Variants in CRABP2 observed in about 807,000 individuals in gnomAD.
CRABP2 encodes the protein cellular retinoic acid-binding protein 2.
In CRABP2, 20 loss-of-function variants were observed where a neutral mutation model predicts 17.9. The observed-to-expected ratio is 1.12, with a 90% CI of 0.79 to 1.63. The LOEUF (loss-of-function observed/expected upper bound fraction) is 1.63, where lower values mean the gene tolerates loss of function less well. Among genes scored for constraint, CRABP2 ranks in the 40% most tolerant of loss-of-function variants. The probability of loss-of-function intolerance (pLI) is 0.00; values close to 1 mark genes in which losing one functional copy is unlikely to be tolerated. For synonymous variants in CRABP2, 76 were observed against 66.4 expected (o/e 1.14, Z -0.70); for missense variants, 151 against 168.6 (o/e 0.90, Z 0.58).
chr1:156,701,253 G>T (rs1464959801), intron 1 of CRABP2, among the ~76,000 whole-genome samples: 1 of 152,058 alleles, frequency 6.6e-6, no homozygotes, highest in Non-Finnish European at 1.5e-5. Context: ...AGATGAGGGG[G>T]TTTAGGGAGG....
At chr1:156,702,490 C>T (rs916467863) in intron 1 of CRABP2, among the ~76,000 whole-genome samples, 1 of 147,724 alleles carries the variant, frequency 6.8e-6, no homozygotes, top group Non-Finnish European at 1.5e-5. Context: ...CAAACAAAAA[C>T]GACCTGGCGC....
chr1:156,700,476 G>A, intron 3 of CRABP2, 66 bp downstream of exon 3: 7 of 1,291,896 alleles, frequency 5.4e-6, no homozygotes, highest in Non-Finnish European at 7.9e-6. Flanking sequence ...TGCACCCTGG[G>A]GTCTCCCAGA....
intron 1 of CRABP2, 115 bp from the exon 2 acceptor site, chr1:156,701,167 T>TG (rs1355956942): frequency 2.5e-6 from 3 of 1,193,274 alleles, no homozygotes; most frequent in South Asian, 3.0e-5. Context: ...GTGGGTGTGT[T>TG]GGGGGGTGCA....
chr1:156,704,360 C>T (rs892546792), intron 1 of CRABP2, among the ~76,000 whole-genome samples: 1 of 152,134 alleles, frequency 6.6e-6, no homozygotes, highest in Non-Finnish European at 1.5e-5. Flanking sequence ...CCCTCTCGCC[C>T]AACCCAGCCG....
In CRABP2 at chr1:156,705,503, T is replaced by C; in HGVS notation, c.-57A>G. On this transcript the variant is annotated 5_prime_UTR_variant, in exon 1 of 4. Transcript: ENST00000368222. This position sits in a 1 kb window ranked among gnomAD's most constrained non-coding sequence, Gnocchi z 5.2. ...TCCTAGGCTGGAGCACTGGACACTG[T>C]CTTTTAGTCAAAAGAGACGTCGCCG... 1.3e-6 allele frequency: 2 copies of C among 1,586,022 alleles called. No homozygotes were observed. Among genetic ancestry groups the C allele is most frequent in the Non-Finnish European group, 1.7e-6 (2 of 1,156,324 alleles).
intron 1 of CRABP2, among the ~76,000 whole-genome samples, chr1:156,704,472 G>C (rs1465156446): frequency 6.6e-6 from 1 of 152,170 alleles, no homozygotes; most frequent in Admixed American, 6.5e-5. Context: ...CTCCCCCAGA[G>C]TCCTCTCCCA....
Position 156,703,744 on chromosome 1 carries a change from C to T in CRABP2, c.70+1633G>A, listed in dbSNP as rs372565294. On this transcript the variant is annotated intron_variant, in intron 1 of 3. Transcript: ENST00000368222. ...TGTGTCTAGGAAGAAATGACAGGTC[C>T]CCAAGTCTTATTGAGATGGACCCTT... Among the ~76,000 whole-genome samples the T allele has an allele frequency of 5.7e-4, 87 of 152,306 alleles. 2 individuals carry two copies. The South Asian group carries it at 0.018, about 32-fold the overall frequency.
At chr1:156,703,198 C>T (rs1480293711) in intron 1 of CRABP2, among the ~76,000 whole-genome samples, 5 of 152,144 alleles carry the variant, frequency 3.3e-5, no homozygotes, top group Admixed American at 1.3e-4. Context: ...CTGCCCTCCC[C>T]GCTCTGTGTG....
chr1:156,702,858 C>T (rs951933806), intron 1 of CRABP2, among the ~76,000 whole-genome samples: 1 of 150,214 alleles, frequency 6.7e-6, no homozygotes, highest in African/African-American at 2.4e-5. Context: ...CTTAAGTTTT[C>T]AGGAAACAAT....
Position 156,700,595 on chromosome 1 carries a change from C to G in CRABP2, c.313G>C (p.Gly105Arg). ...TCTCTGGTCCACGAGGTCTTGGGGC[C>G]CTCTCCCTTCAGGAGCTTCTGCTCA... is the stretch of plus-strand genomic sequence containing the variant. ...VCEQKLLKGE[G>R]PKTSWTRELT... Residue 105 changes from glycine (G) to arginine (R), a missense_variant, in exon 3 of 4, where the codon GGC becomes CGC. Transcript: ENST00000368222. The G allele has an allele frequency of 6.2e-7, 1 of 1,613,798 alleles. No individual in the cohort carries two copies. The highest frequency in any genetic ancestry group is 8.5e-7 in the Non-Finnish European group (1 of 1,179,986).
intron 2 of CRABP2, 89 bp from the exon 3 acceptor site, chr1:156,700,747 C>G (rs535455417): frequency 1.3e-6 from 2 of 1,508,274 alleles, no homozygotes; most frequent in East Asian, 2.3e-5. Context: ...TTCTAGCCCC[C>G]ACCACCACCT....
upstream of CRABP2, chr1:156,705,675 C>A (rs1571483291): frequency 8.2e-6 from 4 of 486,892 alleles, no homozygotes; most frequent in African/African-American, 1.9e-5. The surrounding 1 kb of genome is among the most constrained non-coding windows in gnomAD (Gnocchi z 5.2). Context: ...TCCGCCCCCC[C>A]CCACCTGGGG....
chr1:156,704,228 A>G (rs1648127769), intron 1 of CRABP2, among the ~76,000 whole-genome samples: 1 of 152,206 alleles, frequency 6.6e-6, no homozygotes, highest in Non-Finnish European at 1.5e-5. Context: ...TTGTGGTTAG[A>G]TCGCAGGAAG....
rs1648004770 is a variant in CRABP2 at position 156,700,654 on chromosome 1, A to C, written c.254T>G (p.Leu85Arg). Residue 85 changes from leucine (L) to arginine (R), a missense_variant, in exon 3 of 4, where the codon CTG (leucine) becomes CGG (arginine). Transcript: ENST00000368222. Reference sequence around the variant, plus strand: ...TTTATTCTCACTCTCCCATTTCACCAGGCTCTGCAAGAGACAGGTGGCCAA... The same window carrying C: ...TTTATTCTCACTCTCCCATTTCACCCGGCTCTGCAAGAGACAGGTGGCCAA... ...QTVDGRPCKS[L>R]VKWESENKMV... The C allele has an allele frequency of 6.2e-7, 1 of 1,613,502 alleles. No homozygotes were observed. The highest frequency in any genetic ancestry group is 8.5e-7 in the Non-Finnish European group (1 of 1,179,442).
intron 1 of CRABP2, among the ~76,000 whole-genome samples, chr1:156,702,094 T>C (rs1021969451): frequency 6.6e-6 from 1 of 151,384 alleles, no homozygotes; most frequent in East Asian, 1.9e-4. Context: ...GAGGTTGTAA[T>C]GAACCGAGAT....
chr1:156,699,916 G>A lies in CRABP2; in HGVS notation c.*110C>T. The A allele has an allele frequency of 1.7e-6, 2 of 1,176,656 alleles. No homozygotes were observed. The highest frequency in any genetic ancestry group is 1.2e-6 in the Non-Finnish European group (1 of 814,384). The allele number at this position is 1,176,656 out of a possible 1,614,324, so 72.9% of individuals were successfully genotyped here. A position where few individuals can be genotyped will look rare whatever the true frequency, so the allele number is the denominator to read the frequency against. ...CCCAGTGACCCCCAGAAGTGACTGG[G>A]GTAAGGGGAGCGCTATCCTAGAAGG... On this transcript the variant is annotated 3_prime_UTR_variant, in exon 4 of 4. Coordinates refer to ENST00000368222, the MANE Select transcript of CRABP2 (RefSeq NM_001878.4).
In CRABP2 at chr1:156,705,300, G is replaced by A. The variant is rs1648161281; in HGVS notation, c.70+77C>T. The A allele has an allele frequency of 2.0e-6, 3 of 1,487,720 alleles. No individual in the cohort carries two copies. The highest frequency in any genetic ancestry group is 2.8e-5 in the African/African-American group (2 of 72,282). The allele number at this position is 1,487,720 out of a possible 1,614,324, so 92.2% of individuals were successfully genotyped here. On this transcript the variant is annotated intron_variant, in intron 1 of 3. Coordinates refer to ENST00000368222, the MANE Select transcript of CRABP2 (RefSeq NM_001878.4). This position sits in a 1 kb window ranked among gnomAD's most constrained non-coding sequence, Gnocchi z 5.2. ...TGTCTCACGCCCTGATTGTGGTCCC[G>A]CTGTCTTTCTCATCCCCAACTTCGA...
At position 156,699,874 on chromosome 1, in the gene CRABP2, G is replaced by A; in HGVS notation, c.*152C>T. ...GGAGAGAAGAGGTCAAAGAAAGCAA[G>A]ACCCTGCAAGAGGCATCCCAGTGAC... On this transcript the variant is annotated 3_prime_UTR_variant, in exon 4 of 4. Transcript: ENST00000368222. 1.4e-6 allele frequency: 1 copy of A among 710,804 alleles called. No homozygotes were observed. The highest frequency in any genetic ancestry group is 1.8e-5 in the African/African-American group (1 of 56,296). The allele number at this position is 710,804 out of a possible 1,614,324, so 44.0% of individuals were successfully genotyped here.
chr1:156,705,212 C>G lies in CRABP2; in HGVS notation c.70+165G>C, dbSNP rs561114021. ...CCCGCAGGAGAAAGCGGGATTTAGG[C>G]GTCGTGCCCAGAGCCCCGGGACCCG... On this transcript the variant is annotated intron_variant, in intron 1 of 3. Transcript: ENST00000368222. The surrounding 1 kb of genome is among the most constrained non-coding windows in gnomAD (Gnocchi z 5.2). Among the ~76,000 whole-genome samples the G allele has an allele frequency of 6.6e-6, 1 of 152,350 alleles. No homozygotes were observed. The highest frequency in any genetic ancestry group is 1.5e-5 in the Non-Finnish European group (1 of 68,030).
Sources: allele counts gnomAD v4.1 joint callset (sites outside exome capture counted in the v4.1 genomes callset), GRCh38; gene constraint gnomAD v4.1.1; non-coding constraint Gnocchi (gnomAD v3.1); transcripts MANE v1.5; gene names NCBI Gene and HGNC (gene_info 2026-07-23, HGNC 2026-07-21).